ANKH: variants seen among roughly 807,000 people sequenced by gnomAD.
The protein encoded by ANKH is ANKH inorganic pyrophosphate transport regulator, also known as mineralization regulator ANKH.
A neutral mutation model predicts 49.0 loss-of-function variants in ANKH; 15 were observed. That is an observed-to-expected ratio of 0.31 (90% confidence interval 0.20 to 0.47). The LOEUF is 0.47. Among genes scored for constraint, ANKH ranks in the 20% least tolerant of loss-of-function variants. The probability of loss-of-function intolerance (pLI) is 1.00; values close to 1 mark genes in which losing one functional copy is unlikely to be tolerated. For synonymous variants in ANKH, 273 were observed against 260.0 expected (o/e 1.05, Z -0.48); for missense variants, 429 against 652.0 (o/e 0.66, Z 3.72).
intron 1 of ANKH, chr5:14,797,592 T>C: frequency 6.2e-7 from 1 of 1,609,776 alleles, no homozygotes; most frequent in Non-Finnish European, 8.5e-7. Flanking sequence ...AGTGTGAGTG[T>C]CAACTGAGTG....
intron 1 of ANKH, among the ~76,000 whole-genome samples, chr5:14,854,737 C>A (rs1279083563): frequency 6.6e-6 from 1 of 152,042 alleles, no homozygotes; most frequent in Admixed American, 6.6e-5. Context: ...CTGCCCCAGC[C>A]TCTCCCACCC....
intron 4 of ANKH, 138 bp downstream of exon 4, chr5:14,755,723 T>TA (rs1738863294): frequency 1.3e-6 from 1 of 744,232 alleles, no homozygotes; most frequent in African/African-American, 1.7e-5. Context: ...TTGAGGTCTC[T>TA]ATGTGATGTA....
intron 1 of ANKH, among the ~76,000 whole-genome samples, chr5:14,793,078 AAAAT>A (rs1740254461): frequency 2.5e-5 from 2 of 80,000 alleles, no homozygotes; most frequent in South Asian, 9.7e-4. Context: ...TAAATATATA[AAAAT>A]ATATATATAA....
chr5:14,837,171 A>T (rs1741679776), intron 1 of ANKH, among the ~76,000 whole-genome samples: 1 of 152,232 alleles, frequency 6.6e-6, no homozygotes, highest in Non-Finnish European at 1.5e-5. Flanking sequence ...AAACTCTGGA[A>T]GAAAACCTAG....
chr5:14,810,920 T>G lies in ANKH; in HGVS notation c.97-41729A>C, dbSNP rs148258145. ...ATAGTGCATTCATAAAATTCCAGAT[T>G]CAATGCTCTCATTTCCATCGTGACA... On this transcript the variant is annotated intron_variant, in intron 1 of 11. Transcript: ENST00000284268. Among the ~76,000 whole-genome samples, 923 of 152,272 alleles carry G rather than the reference T, an allele frequency of 6.1e-3. 26 individuals are homozygous for G. The highest frequency in any genetic ancestry group is 0.053 in the Admixed American group (805 of 15,288).
chr5:14,825,362 A>T (rs1741309916), intron 1 of ANKH, among the ~76,000 whole-genome samples: 1 of 151,736 alleles, frequency 6.6e-6, no homozygotes, highest in African/African-American at 2.4e-5. Context: ...TTTCTTTTTT[A>T]TTTTTTTGAG....
intron 1 of ANKH, among the ~76,000 whole-genome samples, chr5:14,789,681 C>T (rs1740098081): frequency 6.6e-6 from 1 of 152,124 alleles, no homozygotes; most frequent in African/African-American, 2.4e-5. Flanking sequence ...AAGAATAAAA[C>T]AATGATAATT....
intron 9 of ANKH, among the ~76,000 whole-genome samples, chr5:14,715,577 G>C (rs1186392584): frequency 6.6e-6 from 1 of 152,184 alleles, no homozygotes; most frequent in African/African-American, 2.4e-5. Context: ...AGAATACAAA[G>C]GTCTTCTTCC....
At chr5:14,724,699 T>C in intron 8 of ANKH, 1 of 416,518 alleles carries the variant, frequency 2.4e-6, no homozygotes, top group Non-Finnish European at 3.2e-6. Flanking sequence ...GAGTCTCTTT[T>C]CAAAGCATTT....
chr5:14,710,333 AGGAAAGGCGAG>A lies in ANKH; in HGVS notation c.*853_*863del, dbSNP rs1184761609. ...TGTGACTCGCTCTAATGCGACCTTCAGGAAAGGCGAGGGAAAAGCAAGCCTTCAGGAAAAGT... is the reference window on the plus strand; with the variant it reads ...TGTGACTCGCTCTAATGCGACCTTCAGGAAAAGCAAGCCTTCAGGAAAAGT... On this transcript the variant is annotated 3_prime_UTR_variant, in exon 12 of 12. Coordinates refer to ENST00000284268, the MANE Select transcript of ANKH (RefSeq NM_054027.6). 1 of 152,252 alleles carries A rather than the reference AGGAAAGGCGAG, an allele frequency of 6.6e-6. No individual in the cohort carries two copies. The highest frequency in any genetic ancestry group is 2.4e-5 in the African/African-American group (1 of 41,458). 9.4% of individuals were successfully genotyped at this position (152,252 alleles called of 1,614,324 possible). A position where few individuals can be genotyped will look rare whatever the true frequency, so the allele number is the denominator to read the frequency against.
rs1182094035 is a variant in ANKH, at chr5:14,725,869, C to T, written c.1012-9034G>A. Among the ~76,000 whole-genome samples, 10 of 152,250 alleles carry T rather than the reference C, an allele frequency of 6.6e-5. No individual in the cohort carries two copies. Among genetic ancestry groups the T allele is most frequent in the Non-Finnish European group, 1.2e-4 (8 of 68,044 alleles). On this transcript the variant is annotated intron_variant, in intron 8 of 11. Transcript: ENST00000284268. The surrounding 1 kb of genome is among the most constrained non-coding windows in gnomAD (Gnocchi z 4.0). Reference sequence around the variant, plus strand: ...CAAGAGATTCTCCCGCCTCAGCCTCCTGAGTAGCTGGGACTACAGGTACGT... The same window carrying T: ...CAAGAGATTCTCCCGCCTCAGCCTCTTGAGTAGCTGGGACTACAGGTACGT...
At chr5:14,771,921 G>GAAAAAAAAAAAAAAAAAAAAAAAAA (rs869185652) in intron 1 of ANKH, among the ~76,000 whole-genome samples, 4 of 53,372 alleles carry the variant, frequency 7.5e-5, no homozygotes, top group African/African-American at 2.1e-4. Flanking sequence ...CTCAAAAAAA[G>GAAAAAAAAAAAAAAAAAAAAAAAAA]AAAAAAAAAA....
chr5:14,860,059 A>C (rs1735432942), intron 1 of ANKH, among the ~76,000 whole-genome samples: 1 of 152,240 alleles, frequency 6.6e-6, no homozygotes, highest in Non-Finnish European at 1.5e-5. Flanking sequence ...TTTAGGAGAC[A>C]GCCCAATAGG....
intron 1 of ANKH, among the ~76,000 whole-genome samples, chr5:14,837,849 C>G (rs1561077850): frequency 6.6e-6 from 1 of 152,166 alleles, no homozygotes; most frequent in Admixed American, 6.5e-5. Context: ...GCACTATTCA[C>G]AATAGCAAAG....
At chr5:14,816,811 G>C (rs1182396305) in intron 1 of ANKH, among the ~76,000 whole-genome samples, 2 of 152,114 alleles carry the variant, frequency 1.3e-5, no homozygotes, top group African/African-American at 4.8e-5. Context: ...GCTTTGGCCA[G>C]GATGAACACG....
intron 1 of ANKH, among the ~76,000 whole-genome samples, chr5:14,793,747 G>C (rs1253964993): frequency 6.6e-6 from 1 of 152,200 alleles, no homozygotes; most frequent in South Asian, 2.1e-4. Flanking sequence ...TAATGGCCCA[G>C]CCAGCTGTGT....
chr5:14,846,346 G>A (rs983147169), intron 1 of ANKH, among the ~76,000 whole-genome samples: 1 of 152,060 alleles, frequency 6.6e-6, no homozygotes, highest in Non-Finnish European at 1.5e-5. Context: ...AGGCAATGCC[G>A]TGCTATTCCT....
intron 1 of ANKH, chr5:14,798,366 A>G: frequency 6.4e-7 from 1 of 1,564,564 alleles, no homozygotes; most frequent in Non-Finnish European, 8.8e-7. Context: ...TCATTCTTCC[A>G]CTGTGTTGTC....
chr5:14,753,581 G>C (rs548802571), intron 4 of ANKH, among the ~76,000 whole-genome samples: 7 of 152,296 alleles, frequency 4.6e-5, no homozygotes, highest in African/African-American at 1.7e-4. Flanking sequence ...AAACAACCTT[G>C]ACAATTCTCA....
Sources: gnomAD v4.1 joint callset for allele counts (sites outside exome capture counted in the v4.1 genomes callset) on GRCh38, gnomAD v4.1.1 for gene constraint, Gnocchi (gnomAD v3.1) non-coding constraint, MANE v1.5 for transcripts, NCBI Gene and HGNC (gene_info 2026-07-23, HGNC 2026-07-21) for gene names.